Variants in ANKDD1B observed in about 807,000 individuals in gnomAD.
The protein encoded by ANKDD1B is ankyrin repeat and death domain-containing protein 1B.
A neutral mutation model predicts 59.7 loss-of-function variants in ANKDD1B; 57 were observed. The ratio of observed to expected loss-of-function variants is 0.95; its 90% confidence interval spans 0.77 to 1.19. The LOEUF (loss-of-function observed/expected upper bound fraction) is 1.19, where lower values mean the gene tolerates loss of function less well. Among genes scored for constraint, ANKDD1B ranks in the 50% most tolerant of loss-of-function variants. The pLI is 0.00. For missense variants in ANKDD1B, 602 were observed against 641.9 expected (o/e 0.94, Z 0.67); for synonymous variants, 216 against 239.5 (o/e 0.90, Z 0.91).
At chr5:75,638,447 T>C (rs11948442) in intron 7 of ANKDD1B, among the ~76,000 whole-genome samples, 19,617 of 152,166 alleles carry the variant, frequency 0.13, 3,362 homozygotes, top group African/African-American at 0.39. Context: ...GAGTGACCCA[T>C]GTGAATGCTC....
chr5:75,620,350 A>C lies in ANKDD1B; in HGVS notation c.333A>C (p.Arg111Ser), dbSNP rs1773814483. ...CAGCCCTGCATTTTGCAGTGGGGAG[A>C]AATCATTTATCTGCAGTGGATTTCT... ...NRTALHFAVG[R>S]NHLSAVDFLL... is the part of the protein sequence containing the mutation. Residue 111 changes from arginine to serine, a missense_variant, in exon 3 of 14, where the codon AGA (arginine) becomes AGC (serine). By Grantham distance (110) the Arg-to-Ser change is moderately radical. Coordinates refer to ENST00000601380, the MANE Select transcript of ANKDD1B (RefSeq NM_001276713.2). The C allele has an allele frequency of 6.5e-7, 1 of 1,535,046 alleles. No individual in the cohort carries two copies. The highest frequency in any genetic ancestry group is 2.0e-5 in the Admixed American group (1 of 50,932).
chr5:75,656,227 TC>T, intron 9 of ANKDD1B, 100 bp downstream of exon 9: 1 of 558,262 alleles, frequency 1.8e-6, no homozygotes, highest in Non-Finnish European at 3.1e-6. Context: ...ACCTAAAAAT[TC>T]CTGGGAGGAA....
chr5:75,663,356 G>C, intron 10 of ANKDD1B, 38 bp from the exon 11 acceptor site: 1 of 1,432,362 alleles, frequency 7.0e-7, no homozygotes, highest in Non-Finnish European at 9.5e-7. Context: ...TAATCACTAG[G>C]CCATATCACC....
At chr5:75,635,544 CA>C (rs1435162702) in intron 6 of ANKDD1B, 7 of 342,442 alleles carry the variant, frequency 2.0e-5, no homozygotes, top group Non-Finnish European at 3.7e-5. Context: ...CAATTGGTAG[CA>C]AAGTTAGAAC....
chr5:75,622,864 G>A lies in ANKDD1B; in HGVS notation c.396+2451G>A, dbSNP rs530291883. On this transcript the variant is annotated intron_variant, in intron 3 of 13. Transcript: ENST00000601380. ...TCTCGGGGAGTTTACACCTGTGAGCGGTGATTCATTGCCTCTGAGGAACAA... is the reference window on the plus strand; with the variant it reads ...TCTCGGGGAGTTTACACCTGTGAGCAGTGATTCATTGCCTCTGAGGAACAA... 3.9e-5 allele frequency among the ~76,000 whole-genome samples: 6 copies of A among 152,174 alleles called. No homozygotes were observed. In the East Asian group the frequency reaches 7.7e-4, roughly 20 times the overall value.
chr5:75,653,785 C>T (rs564792573), intron 8 of ANKDD1B, among the ~76,000 whole-genome samples: 1 of 152,266 alleles, frequency 6.6e-6, no homozygotes, highest in African/African-American at 2.4e-5. Context: ...ATATGATTTC[C>T]TCTGATCTTG....
chr5:75,620,258 A>G, intron 2 of ANKDD1B, 57 bp from the exon 3 acceptor site: 2 of 866,054 alleles, frequency 2.3e-6, no homozygotes, highest in Non-Finnish European at 3.5e-6. Context: ...GAAACAGGAA[A>G]CCTAAAATCA....
At chr5:75,613,496 AGGTAGGTT>A (rs1321300464) in intron 1 of ANKDD1B, among the ~76,000 whole-genome samples, 1 of 152,226 alleles carries the variant, frequency 6.6e-6, no homozygotes, top group Non-Finnish European at 1.5e-5. Flanking sequence ...ATATAAATGA[AGGTAGGTT>A]GGTAGACTCA....
chr5:75,623,459 G>A (rs1204040949), intron 3 of ANKDD1B, among the ~76,000 whole-genome samples: 1 of 152,054 alleles, frequency 6.6e-6, no homozygotes, highest in Non-Finnish European at 1.5e-5. Context: ...TGTGTTTAGG[G>A]AACATGTTTT....
chr5:75,669,513 T>A, intron 13 of ANKDD1B, 130 bp downstream of exon 13: 1 of 790,300 alleles, frequency 1.3e-6, no homozygotes, highest in Non-Finnish European at 1.7e-6. Context: ...AGTATGGAAC[T>A]ATGGAAGGGG....
chr5:75,634,807 C>A, intron 5 of ANKDD1B, 91 bp from the exon 6 acceptor site: 1 of 799,158 alleles, frequency 1.3e-6, no homozygotes, highest in Non-Finnish European at 2.0e-6. Flanking sequence ...TTGGACTCCC[C>A]ATCATCCTTG....
intron 5 of ANKDD1B, among the ~76,000 whole-genome samples, chr5:75,626,158 G>A (rs1773991461): frequency 6.6e-6 from 1 of 152,160 alleles, no homozygotes; most frequent in Admixed American, 6.5e-5. Context: ...AGGGAGAACA[G>A]GAAATGTTGA....
chr5:75,623,514 A>C (rs1035692639), intron 3 of ANKDD1B, among the ~76,000 whole-genome samples: 1 of 152,170 alleles, frequency 6.6e-6, no homozygotes, highest in African/African-American at 2.4e-5. Context: ...TTCTCTTTGG[A>C]ACAAAGAGTC....
At position 75,671,235 on chromosome 5, in the gene ANKDD1B, G is replaced by C. The variant is rs1579987430; in HGVS notation, c.*195G>C. The C allele has an allele frequency of 8.3e-6, 3 of 359,488 alleles. No homozygotes were observed. The East Asian group carries it at 1.2e-4, about 14-fold the overall frequency. The allele number at this position is 359,488 out of a possible 1,614,324, so 22.3% of individuals were successfully genotyped here. On this transcript the variant is annotated 3_prime_UTR_variant, in exon 14 of 14. Transcript: ENST00000601380. ...AGTCAAATATAGTTTTTTTTGCTGA[G>C]GGCAAGTTGTATGTGATTTTCCCAT... is the stretch of plus-strand genomic sequence containing the variant.
At chr5:75,658,385 C>A (rs1043111240) in intron 9 of ANKDD1B, among the ~76,000 whole-genome samples, 22 of 152,040 alleles carry the variant, frequency 1.4e-4, no homozygotes, top group African/African-American at 5.1e-4. Context: ...TCCTCTCTGC[C>A]CTAATATTTT....
chr5:75,670,676 A>T (rs1187997293), intron 13 of ANKDD1B, among the ~76,000 whole-genome samples: 1 of 152,222 alleles, frequency 6.6e-6, no homozygotes, highest in Admixed American at 6.5e-5. Flanking sequence ...TTCCTATGAA[A>T]GAGGTTCCAT....
Position 75,620,402 on chromosome 5 carries a change from G to C in ANKDD1B, c.385G>C (p.Val129Leu). Residue 129 changes from valine to leucine, a missense_variant, in exon 3 of 14, where the codon GTT becomes CTT. Transcript: ENST00000601380. ...GCTTAAACACAAGGCCAGGGTGGAT[G>C]TTGCTGATAAGGTAAGCTCATCTTG... ...FLLKHKARVDVADKHGLTVIH... is the reference protein window; with the variant it reads ...FLLKHKARVDLADKHGLTVIH... 1 of 1,530,684 alleles carries C rather than the reference G, an allele frequency of 6.5e-7. No individual in the cohort carries two copies. The highest frequency in any genetic ancestry group is 1.4e-5 in the African/African-American group (1 of 73,036). 94.8% of individuals were successfully genotyped at this position (1,530,684 alleles called of 1,614,324 possible). A position where few individuals can be genotyped will look rare whatever the true frequency, so the allele number is the denominator to read the frequency against.
chr5:75,651,427 C>G (rs1175055940), intron 7 of ANKDD1B, among the ~76,000 whole-genome samples: 1 of 152,202 alleles, frequency 6.6e-6, no homozygotes, highest in African/African-American at 2.4e-5. Context: ...GCAGACCATC[C>G]CCTCAAGCAG....
chr5:75,624,002 T>G (rs1773924511), intron 3 of ANKDD1B, among the ~76,000 whole-genome samples: 1 of 152,230 alleles, frequency 6.6e-6, no homozygotes, highest in African/African-American at 2.4e-5. Flanking sequence ...AATAGAAGTG[T>G]ACTGCAGGCC....
Sources: gnomAD v4.1 joint callset for allele counts (sites outside exome capture counted in the v4.1 genomes callset) on GRCh38, gnomAD v4.1.1 for gene constraint, MANE v1.5 for transcripts, NCBI Gene and HGNC (gene_info 2026-07-23, HGNC 2026-07-21) for gene names.